The following LDAH variants were observed in gnomAD, a reference collection of about 807,000 sequenced individuals.
LDAH encodes lipid droplet-associated hydrolase.
A neutral mutation model predicts 29.6 loss-of-function variants in LDAH; 26 were observed. The ratio of observed to expected loss-of-function variants is 0.88; its 90% confidence interval spans 0.64 to 1.22. The LOEUF (loss-of-function observed/expected upper bound fraction) is 1.22, where lower values mean the gene tolerates loss of function less well. Ranked by LOEUF, LDAH falls within the 50% of genes most tolerant of loss-of-function variation. The pLI is 0.00. For synonymous variants in LDAH, 117 were observed against 133.0 expected, an observed-to-expected ratio of 0.88 and a Z score of 0.83; for missense variants, 344 against 387.3, an observed-to-expected ratio of 0.89 and a Z score of 0.94.
chr2:20,743,682 T>C (rs1463212650), intron 4 of LDAH, among the ~76,000 whole-genome samples: 1 of 152,146 alleles, frequency 6.6e-6, no homozygotes, highest in Non-Finnish European at 1.5e-5. Context: ...TTCTTTTCTT[T>C]ATGGAGATCT....
chr2:20,682,864 T>C (rs1662356173), downstream of LDAH, among the ~76,000 whole-genome samples: 1 of 152,124 alleles, frequency 6.6e-6, no homozygotes, highest in African/African-American at 2.4e-5. Context: ...TGGTAATCTG[T>C]ATAATGGGCA....
intron 2 of LDAH, among the ~76,000 whole-genome samples, chr2:20,801,087 AACAC>A (rs59015178): frequency 1.8e-4 from 27 of 148,762 alleles, no homozygotes; most frequent in South Asian, 1.5e-3. Flanking sequence ...CTGTGACACA[AACAC>A]ACACACACAC....
Position 20,687,013 on chromosome 2 carries a change from C to G in LDAH, c.868G>C (p.Asp290His). The G allele has an allele frequency of 1.2e-6, 2 of 1,614,042 alleles. No individual in the cohort carries two copies. Among genetic ancestry groups the G allele is most frequent in the Non-Finnish European group, 1.7e-6 (2 of 1,179,940 alleles). The change falls in exon 7 of 7, where the codon GAC becomes CAC. Residue 290 changes from aspartate (D) to histidine (H), a missense_variant. By Grantham distance (81) the Asp-to-His change is moderately conservative. Transcript: ENST00000237822. The stretch of plus-strand genomic sequence containing the variant: ...ATGTTTTTCTCACAGAGTCGAATGT[C>G]TCCTTCTGGAAAATCCTTCTTAATG... ...EDIKKDFPEG[D>H]IRLCEKNIPH...
downstream of LDAH, among the ~76,000 whole-genome samples, chr2:20,683,039 C>T (rs1266278916): frequency 2.0e-5 from 3 of 152,226 alleles, no homozygotes; most frequent in Non-Finnish European, 4.4e-5. Flanking sequence ...CTTCTCTCTT[C>T]CAAGAGCTTT....
intron 3 of LDAH, among the ~76,000 whole-genome samples, chr2:20,786,198 T>C (rs558987609): frequency 1.3e-5 from 2 of 152,218 alleles, no homozygotes; most frequent in East Asian, 1.9e-4. Context: ...TTTTTGTTTG[T>C]TTGTATTTTA....
chr2:20,807,131 A>G (rs1050510819), intron 1 of LDAH, among the ~76,000 whole-genome samples: 6 of 152,106 alleles, frequency 3.9e-5, no homozygotes, highest in African/African-American at 1.4e-4. Flanking sequence ...ATAAACAAAT[A>G]TGAAGAAATG....
At chr2:20,809,383 G>A (rs1672316301) in intron 1 of LDAH, among the ~76,000 whole-genome samples, 1 of 152,072 alleles carries the variant, frequency 6.6e-6, no homozygotes, top group East Asian at 1.9e-4. Flanking sequence ...TGGCAGCAGA[G>A]TGAGAGTTCA....
At chr2:20,787,574 A>G (rs915351600) in intron 3 of LDAH, among the ~76,000 whole-genome samples, 11 of 152,182 alleles carry the variant, frequency 7.2e-5, no homozygotes, top group Admixed American at 5.9e-4. Flanking sequence ...GATTACAGGC[A>G]TGAGATACCA....
chr2:20,816,858 A>T (rs1672888210), intron 1 of LDAH, among the ~76,000 whole-genome samples: 1 of 152,070 alleles, frequency 6.6e-6, no homozygotes, highest in Non-Finnish European at 1.5e-5. Context: ...AAAATTATAC[A>T]GCTTATGTTT....
intron 5 of LDAH, among the ~76,000 whole-genome samples, chr2:20,707,251 C>A (rs947016024): frequency 6.6e-6 from 1 of 152,130 alleles, no homozygotes; most frequent in Non-Finnish European, 1.5e-5. Flanking sequence ...CCTAACTAAA[C>A]CTGCTCAGCT....
intron 6 of LDAH, among the ~76,000 whole-genome samples, chr2:20,689,383 A>G (rs1440775283): frequency 6.6e-6 from 1 of 152,210 alleles, no homozygotes; most frequent in Non-Finnish European, 1.5e-5. Context: ...TTCTTAGCAG[A>G]GTAAGAACTT....
intron 1 of LDAH, among the ~76,000 whole-genome samples, chr2:20,818,677 T>C (rs937968679): frequency 4.0e-4 from 61 of 152,278 alleles, no homozygotes; most frequent in African/African-American, 1.3e-3. Flanking sequence ...CAAAGATGTT[T>C]ACATTTTTTG....
At chr2:20,761,588 G>A (rs1339452276) in intron 4 of LDAH, among the ~76,000 whole-genome samples, 3 of 152,088 alleles carry the variant, frequency 2.0e-5, no homozygotes, top group Non-Finnish European at 4.4e-5. Context: ...TAAGAAGGTT[G>A]GTATTTAATA....
At chr2:20,707,991 T>A (rs1664436503) in intron 5 of LDAH, among the ~76,000 whole-genome samples, 1 of 152,212 alleles carries the variant, frequency 6.6e-6, no homozygotes, top group Non-Finnish European at 1.5e-5. Context: ...TATGATAATC[T>A]AATGCCTGAT....
intron 6 of LDAH, among the ~76,000 whole-genome samples, chr2:20,694,259 A>G (rs1258987970): frequency 1.3e-5 from 2 of 152,158 alleles, no homozygotes; most frequent in South Asian, 2.1e-4. Context: ...ATTTCTGGGG[A>G]GAGTCCAGAC....
chr2:20,696,568 G>A (rs535247318), intron 6 of LDAH, among the ~76,000 whole-genome samples: 8 of 152,186 alleles, frequency 5.3e-5, no homozygotes, highest in East Asian at 1.9e-4. Context: ...AGCTGTTTCC[G>A]TAAGCCTGGG....
intron 1 of LDAH, among the ~76,000 whole-genome samples, chr2:20,815,181 G>A (rs1475268427): frequency 6.6e-6 from 1 of 152,056 alleles, no homozygotes; most frequent in East Asian, 1.9e-4. Context: ...CAATAGTGGA[G>A]TGGAATTGAC....
chr2:20,707,638 C>T (rs1664409466), intron 5 of LDAH, among the ~76,000 whole-genome samples: 1 of 152,086 alleles, frequency 6.6e-6, no homozygotes, highest in South Asian at 2.1e-4. Context: ...TGCAGATCAG[C>T]ACAATTGTAT....
chr2:20,753,105 C>T (rs1326068135), intron 4 of LDAH, among the ~76,000 whole-genome samples: 2 of 152,152 alleles, frequency 1.3e-5, no homozygotes. Flanking sequence ...AGTAACAGCC[C>T]ATGTTTCCAG....
Sources: gnomAD v4.1 joint callset for allele counts (sites outside exome capture counted in the v4.1 genomes callset) on GRCh38, gnomAD v4.1.1 for gene constraint, MANE v1.5 for transcripts, NCBI Gene and HGNC (gene_info 2026-07-23, HGNC 2026-07-21) for gene names.